Variants in TUBGCP6 observed in about 807,000 individuals in gnomAD.
TUBGCP6 encodes the protein tubulin gamma complex component 6, also known as gamma-tubulin complex component 6.
A neutral mutation model predicts 175.8 loss-of-function variants in TUBGCP6; 161 were observed. The observed-to-expected ratio is 0.92, with a 90% CI of 0.81 to 1.04. TUBGCP6 has a LOEUF of 1.04. TUBGCP6 is among the 50% of genes least tolerant of loss of function. The pLI, the probability that TUBGCP6 is intolerant of heterozygous loss-of-function variation, is 0.00. For synonymous variants in TUBGCP6, 1,173 were observed against 1,030.5 expected (o/e 1.14, Z -2.65); for missense variants, 2,572 against 2,433.0 (o/e 1.06, Z -1.20).
Position 50,220,012 on chromosome 22 carries a change from G to A in TUBGCP6, c.4112C>T (p.Pro1371Leu). The A allele has an allele frequency of 1.2e-6, 2 of 1,613,488 alleles. No homozygotes were observed. Among genetic ancestry groups the A allele is most frequent in the African/African-American group, 1.3e-5 (1 of 75,032 alleles). Residue 1371 changes from proline to leucine, a missense_variant, in exon 17 of 25, where the codon CCT becomes CTT. By Grantham distance (98) the Pro-to-Leu change is moderately conservative. Coordinates refer to ENST00000248846, the MANE Select transcript of TUBGCP6 (RefSeq NM_020461.4). ...GTCCTCAGTGTCCCCGCTCCTCCCAGGGCCTGTGTGGACACAAGTGGACAC... is the reference window on the plus strand; with the variant it reads ...GTCCTCAGTGTCCCCGCTCCTCCCAAGGCCTGTGTGGACACAAGTGGACAC... ...PGDSVSEELGPGRSGDTEDLS... is the reference protein window; with the variant it reads ...PGDSVSEELGLGRSGDTEDLS...
intron 3 of TUBGCP6, among the ~76,000 whole-genome samples, chr22:50,232,764 T>TGA (rs2064710621): frequency 6.6e-6 from 1 of 152,212 alleles, no homozygotes; most frequent in Non-Finnish European, 1.5e-5. Flanking sequence ...AAAGAACATT[T>TGA]AAGACAAAGG....
Position 50,221,300 on chromosome 22 carries a change from T to C in TUBGCP6, c.3059A>G (p.Gln1020Arg). ...RRAALEEGSS[Q>R]PTERLFGQVS... ...CTGCCCAAAGAGCCGCTCTGTGGGC[T>C]GGCTGCTCCCCTCCTCCAGAGCAGC... Residue 1020 changes from glutamine (Q) to arginine (R), a missense_variant, in exon 16 of 25, where the codon CAG becomes CGG. By Grantham distance (43) the Gln-to-Arg change is conservative. Transcript: ENST00000248846. 1.9e-6 allele frequency: 3 copies of C among 1,613,776 alleles called. No homozygotes were observed. The highest frequency in any genetic ancestry group is 2.5e-6 in the Non-Finnish European group (3 of 1,180,014).
Position 50,224,353 on chromosome 22 carries a change from T to G in TUBGCP6, c.2133A>C (p.Glu711Asp), listed in dbSNP as rs778548301. Residue 711 changes from glutamate (E) to aspartate (D), a missense_variant, in exon 12 of 25, where the codon GAA becomes GAC. By Grantham distance (45) the Glu-to-Asp change is conservative (BLOSUM62 2). Transcript: ENST00000248846. ...CCACCTCCTGGTCCTTCACAAATTGTTCTTTCAGCCTCTGAAACTGCTCAC... is the reference window on the plus strand; with the variant it reads ...CCACCTCCTGGTCCTTCACAAATTGGTCTTTCAGCCTCTGAAACTGCTCAC... ...RKREQFQRLK[E>D]QFVKDQERRQ... 2.5e-6 allele frequency: 4 copies of G among 1,614,260 alleles called. No homozygotes were observed. In the East Asian group the frequency reaches 8.9e-5, roughly 36 times the overall value.
chr22:50,218,931 C>T (rs1259083726), intron 20 of TUBGCP6, 34 bp from the exon 21 acceptor site: 1 of 1,595,060 alleles, frequency 6.3e-7, no homozygotes, highest in Non-Finnish European at 8.5e-7. Flanking sequence ...CCCCAGGAGT[C>T]CCAAGCACAT....
At chr22:50,239,566 T>C (rs2064815398) in intron 2 of TUBGCP6, among the ~76,000 whole-genome samples, 2 of 152,220 alleles carry the variant, frequency 1.3e-5, no homozygotes, top group South Asian at 2.1e-4. Context: ...CAGAGGCCTC[T>C]GGACCCAGGT....
At position 50,243,889 on chromosome 22, in the gene TUBGCP6, G is replaced by A; in HGVS notation, c.571C>T (p.Pro191Ser). ...VMEAAPGTGL[P>S]TVGLFSFGDP... ...CCAAATGAGAAGAGCCCGACGGTGG[G>A]CAGGCCAGTGCCTGGAGCAGCCTCC... Residue 191 changes from proline (P) to serine (S), a missense_variant, in exon 1 of 25, where the codon CCC (proline) becomes TCC (serine). Transcript: ENST00000248846. 4 of 1,613,908 alleles carry A rather than the reference G, an allele frequency of 2.5e-6. No homozygotes were observed. The highest frequency in any genetic ancestry group is 4.5e-5 in the East Asian group (2 of 44,884).
rs1280256537 is a variant in TUBGCP6 at position 50,219,872 on chromosome 22, G to GC, written c.4168-82dup. On this transcript the variant is annotated intron_variant, in intron 17 of 24. Transcript: ENST00000248846. ...AGCTTGTGCCAAAAAAAGGAAAATC[G>GC]CATGTGGGACCCACCCGCGTGACAA... 3 of 1,602,982 alleles carry GC rather than the reference G, an allele frequency of 1.9e-6. No individual in the cohort carries two copies. In the African/African-American group the frequency reaches 4.0e-5, roughly 21 times the overall value.
Position 50,218,366 on chromosome 22 carries a change from C to CG in TUBGCP6, c.4990dup (p.Arg1664ProfsTer167). The CG allele has an allele frequency of 6.2e-7, 1 of 1,613,054 alleles. No individual in the cohort carries two copies. Among genetic ancestry groups the CG allele is most frequent in the Admixed American group, 1.7e-5 (1 of 60,028 alleles). ...CTCGTGCTTGAACAGCTGCAGCTGA[C>CG]GGAACTGCACAGAGCCGGCCATGTG... On this transcript the variant is annotated frameshift_variant, in exon 23 of 25. Coordinates refer to ENST00000248846, the MANE Select transcript of TUBGCP6 (RefSeq NM_020461.4). LOFTEE classifies it high-confidence loss of function.
chr22:50,243,600 AGAGT>A, intron 1 of TUBGCP6, 115 bp downstream of exon 1: 2 of 1,040,198 alleles, frequency 1.9e-6, no homozygotes, highest in East Asian at 2.7e-5. Flanking sequence ...CCTGGGTGAC[AGAGT>A]GAGACACTGT....
intron 3 of TUBGCP6, among the ~76,000 whole-genome samples, chr22:50,232,946 C>T (rs1288609537): frequency 2.0e-5 from 3 of 152,302 alleles, no homozygotes; most frequent in East Asian, 3.9e-4. Flanking sequence ...AGAAGAGCAG[C>T]GCAGGCCCCA....
At position 50,220,858 on chromosome 22, in the gene TUBGCP6, G is replaced by C. The variant is rs1400032383; in HGVS notation, c.3501C>G (p.Ala1167=). The change falls in exon 16 of 25, where the codon GCC becomes GCG. Residue 1167 remains alanine (A), a synonymous_variant. Transcript: ENST00000248846. ...ACACAGACTCCCCCAAGCTGATGCT[G>C]GCATCGGACACGTGTCCATGGGTGT... ...RWNTHGHVSD[A]SISLGESVSD... The C allele has an allele frequency of 9.3e-6, 15 of 1,607,446 alleles. No homozygotes were observed. Among genetic ancestry groups the C allele is most frequent in the African/African-American group, 1.3e-5 (1 of 74,438 alleles).
At chr22:50,234,585 G>A (rs1170767794) in intron 2 of TUBGCP6, among the ~76,000 whole-genome samples, 10 of 113,480 alleles carry the variant, frequency 8.8e-5, no homozygotes, top group Admixed American at 7.0e-4. Context: ...CCACACCCCC[G>A]TCCACGGCAG....
At chr22:50,232,144 C>G (rs1241824590) in intron 3 of TUBGCP6, among the ~76,000 whole-genome samples, 1 of 151,646 alleles carries the variant, frequency 6.6e-6, no homozygotes, top group Non-Finnish European at 1.5e-5. Flanking sequence ...GTGGGCAAAT[C>G]ACCTCAGGTC....
chr22:50,233,317 T>C lies in TUBGCP6; in HGVS notation c.1115A>G (p.Gln372Arg). The part of the protein sequence containing the change: ...GVVSATFSLC[Q>R]PAQAFVVKRG... Reference sequence around the variant, plus strand: ...TGGCGGGGAGTGAGCAGTTCTCACCTGGCAGAGCGAAAACGTGGCAGACAC... The same window carrying C: ...TGGCGGGGAGTGAGCAGTTCTCACCCGGCAGAGCGAAAACGTGGCAGACAC... Residue 372 changes from glutamine (Q) to arginine (R), a missense_variant and splice_region_variant, in exon 3 of 25, where the codon CAG becomes CGG. Transcript: ENST00000248846. 2.5e-6 allele frequency: 4 copies of C among 1,612,080 alleles called. No individual in the cohort carries two copies. Among genetic ancestry groups the C allele is most frequent in the Non-Finnish European group, 2.5e-6 (3 of 1,179,054 alleles).
At position 50,219,319 on chromosome 22, in the gene TUBGCP6, T is replaced by C; in HGVS notation, c.4453A>G (p.Lys1485Glu). ...SELLTLPVLM[K>E]RSITAPLAAH... ...GCCAGCGGTGCCGTGATGGAGCGCTTCATGAGCACGGGCAGCGTCAGCAAC... is the reference window on the plus strand; with the variant it reads ...GCCAGCGGTGCCGTGATGGAGCGCTCCATGAGCACGGGCAGCGTCAGCAAC... Residue 1485 changes from lysine to glutamate, a missense_variant, in exon 19 of 25, where the codon AAG becomes GAG. Transcript: ENST00000248846. 6.2e-7 allele frequency: 1 copy of C among 1,603,016 alleles called. No individual in the cohort carries two copies. The highest frequency in any genetic ancestry group is 8.5e-7 in the Non-Finnish European group (1 of 1,175,988).
In TUBGCP6 at chr22:50,219,995, T is replaced by C. The variant is rs11703226; in HGVS notation, c.4129A>G (p.Thr1377Ala). ...EELGPGRSGD[T>A]EDLSPNWPLN... Reference sequence around the variant, plus strand: ...GGCCAATTTGGAGAGAGGTCCTCAGTGTCCCCGCTCCTCCCAGGGCCTGTG... The same window carrying C: ...GGCCAATTTGGAGAGAGGTCCTCAGCGTCCCCGCTCCTCCCAGGGCCTGTG... Residue 1377 changes from threonine (T) to alanine (A), a missense_variant, in exon 17 of 25, where the codon ACT (threonine) becomes GCT (alanine). Physicochemically the swap from Thr to Ala is moderately conservative, Grantham distance 58. Coordinates refer to ENST00000248846, the MANE Select transcript of TUBGCP6 (RefSeq NM_020461.4). The C allele has an allele frequency of 0.44, 715,727 of 1,612,964 alleles. 159,586 individuals carry two copies. Among genetic ancestry groups the C allele is most frequent in the African/African-American group, 0.48 (36,225 of 74,934 alleles).
rs373713187 is a variant in TUBGCP6 at position 50,243,776 on chromosome 22, G to A, written c.684C>T (p.Val228=). 12 of 1,613,608 alleles carry A rather than the reference G, an allele frequency of 7.4e-6. No individual in the cohort carries two copies. The highest frequency in any genetic ancestry group is 3.3e-4 in the Middle Eastern group (2 of 6,060). Reference sequence around the variant, plus strand: ...CTGGCACGGGGGGCAGGCCCAGTCGGACGTCCATGTCATAAGTGCGGCTGT... The same window carrying A: ...CTGGCACGGGGGGCAGGCCCAGTCGAACGTCCATGTCATAAGTGCGGCTGT... ...LVHSRTYDMD[V]RLGLPPVPDN... Residue 228 remains valine (V), a synonymous_variant, in exon 1 of 25, where the codon GTC becomes GTT. Coordinates refer to ENST00000248846, the MANE Select transcript of TUBGCP6 (RefSeq NM_020461.4).
intron 3 of TUBGCP6, among the ~76,000 whole-genome samples, chr22:50,229,844 A>C (rs2064666281): frequency 6.6e-6 from 1 of 152,248 alleles, no homozygotes; most frequent in Admixed American, 6.5e-5. Context: ...TCCACAGGAC[A>C]CAAGTACACA....
chr22:50,219,151 C>T lies in TUBGCP6; in HGVS notation c.4543G>A (p.Ala1515Thr). ...DYFFVELHLEAHYEALRHFLL... is the reference protein window; with the variant it reads ...DYFFVELHLETHYEALRHFLL... ...AAGTGCCGCAGTGCCTCATAGTGCG[C>T]CTCCAGGTGCAGCTCCACGAAGAAG... The change falls in exon 20 of 25, where the codon GCG (alanine) becomes ACG (threonine). Residue 1515 changes from alanine to threonine, a missense_variant. Coordinates refer to ENST00000248846, the MANE Select transcript of TUBGCP6 (RefSeq NM_020461.4). 1 of 1,612,954 alleles carries T rather than the reference C, an allele frequency of 6.2e-7. No homozygotes were observed.
Sources: gnomAD v4.1 joint callset for allele counts (sites outside exome capture counted in the v4.1 genomes callset) on GRCh38, gnomAD v4.1.1 for gene constraint, MANE v1.5 for transcripts, NCBI Gene and HGNC (gene_info 2026-07-23, HGNC 2026-07-21) for gene names.